ADD1: variants seen among roughly 807,000 people sequenced by gnomAD.
The protein encoded by ADD1 is adducin 1, also known as alpha-adducin.
ADD1 carries 24 observed loss-of-function variants against 80.5 expected under a neutral mutation model. The observed-to-expected ratio is 0.30, with a 90% confidence interval of 0.22 to 0.42. The LOEUF (loss-of-function observed/expected upper bound fraction) is 0.42. ADD1 is among the 10% of genes least tolerant of loss of function. The pLI is 1.00. For missense variants in ADD1, 948 were observed against 1,019.0 expected (o/e 0.93, Z 0.95); for synonymous variants, 373 against 393.8 (o/e 0.95, Z 0.63).
At chr4:2,901,155 A>G (rs1257892857) in intron 9 of ADD1, 1 of 152,474 alleles carries the variant, frequency 6.6e-6, no homozygotes, top group African/African-American at 2.4e-5. Flanking sequence ...TGGGGCAGCC[A>G]TGGCCCAGGT....
At chr4:2,882,828 A>G (rs1057147201) in intron 3 of ADD1, among the ~76,000 whole-genome samples, 9 of 152,114 alleles carry the variant, frequency 5.9e-5, no homozygotes, top group Non-Finnish European at 1.2e-4. Flanking sequence ...CATGGCCACC[A>G]CTAGGAAAGT....
At position 2,926,710 on chromosome 4, in the gene ADD1, C is replaced by A. The variant is rs1245003610; in HGVS notation, c.2047+598C>A. 1 of 1,606,730 alleles carries A rather than the reference C, an allele frequency of 6.2e-7. No individual in the cohort carries two copies. Among genetic ancestry groups the A allele is most frequent in the East Asian group, 2.2e-5 (1 of 44,764 alleles). On this transcript the variant is annotated intron_variant, in intron 15 of 15. Coordinates refer to ENST00000683351, the MANE Select transcript of ADD1 (RefSeq NM_001354761.2). This position sits in a 1 kb window ranked among gnomAD's most constrained non-coding sequence, Gnocchi z 5.0. ...GTGCTGCCTCCGCTCTCCACCGGTG[C>A]CCTGCGCTTTGCCTCATTCTCCTGC...
intron 6 of ADD1, 85 bp from the exon 7 acceptor site, chr4:2,898,099 T>C: frequency 1.4e-6 from 2 of 1,454,718 alleles, no homozygotes; most frequent in Admixed American, 2.2e-5. Flanking sequence ...TCCCATTTTA[T>C]TTCTGTGAGG....
chr4:2,926,175 G>A lies in ADD1; in HGVS notation c.2047+63G>A, dbSNP rs1445525640. On this transcript the variant is annotated intron_variant, in intron 15 of 15. Transcript: ENST00000683351. The surrounding 1 kb of genome is among the most constrained non-coding windows in gnomAD (Gnocchi z 5.0). ...GTGCACGGCTCGTGCGCGCTGTGGC[G>A]GAATGTGGCGGGAGTCGTGTTAACA... is the stretch of plus-strand genomic sequence containing the variant. 16 of 1,421,684 alleles carry A rather than the reference G, an allele frequency of 1.1e-5. No individual in the cohort carries two copies. The highest frequency in any genetic ancestry group is 2.3e-5 in the South Asian group (2 of 86,538). The allele number at this position is 1,421,684 out of a possible 1,614,324, so 88.1% of individuals were successfully genotyped here.
intron 4 of ADD1, among the ~76,000 whole-genome samples, chr4:2,886,731 G>T (rs1477394064): frequency 6.6e-6 from 1 of 152,174 alleles, no homozygotes; most frequent in South Asian, 2.1e-4. Context: ...ACAAGAGCTC[G>T]CTGGGACCTT....
At chr4:2,890,114 A>C (rs1393162594) in intron 4 of ADD1, among the ~76,000 whole-genome samples, 1 of 151,078 alleles carries the variant, frequency 6.6e-6, no homozygotes, top group Admixed American at 6.6e-5. Context: ...GAATCACTTG[A>C]ACTTGGGAGG....
chr4:2,866,165 A>G (rs1479143946), intron 1 of ADD1, among the ~76,000 whole-genome samples: 1 of 152,038 alleles, frequency 6.6e-6, no homozygotes, highest in Non-Finnish European at 1.5e-5. Context: ...AAGATTCTGG[A>G]TGTTATTTTA....
chr4:2,924,438 T>C (rs1324822700), intron 14 of ADD1, among the ~76,000 whole-genome samples: 1 of 152,148 alleles, frequency 6.6e-6, no homozygotes, highest in Admixed American at 6.5e-5. Flanking sequence ...GCCAGGAGGC[T>C]CCCGCCAGCA....
At position 2,884,613 on chromosome 4, in the gene ADD1, T is replaced by C. The variant is rs973176220; in HGVS notation, c.457T>C (p.Tyr153His). 6.2e-7 allele frequency: 1 copy of C among 1,613,040 alleles called. No homozygotes were observed. The highest frequency in any genetic ancestry group is 8.5e-7 in the Non-Finnish European group (1 of 1,179,384). The change falls in exon 4 of 16, where the codon TAT (tyrosine) becomes CAT (histidine). Residue 153 changes from tyrosine (Y) to histidine (H), a missense_variant. Physicochemically the swap from Tyr to His is moderately conservative, Grantham distance 83. Coordinates refer to ENST00000683351, the MANE Select transcript of ADD1 (RefSeq NM_001354761.2). ...ATTACGGTGTAAATTGGCAGCGTTT[T>C]ATAGACTAGCAGATCTCTTTGGGTG... Reference protein sequence around the residue: ...KLLRCKLAAFYRLADLFGWSQ... With the variant: ...KLLRCKLAAFHRLADLFGWSQ...
At chr4:2,881,223 G>A (rs569878717) in intron 2 of ADD1, among the ~76,000 whole-genome samples, 35 of 151,528 alleles carry the variant, frequency 2.3e-4, no homozygotes, top group African/African-American at 8.0e-4. Flanking sequence ...GATTACAGGC[G>A]CCCACCACCA....
rs1216327825 is a variant in ADD1 at position 2,903,426 on chromosome 4, G to A, written c.1162-1338G>A. 3.3e-5 allele frequency among the ~76,000 whole-genome samples: 5 copies of A among 152,166 alleles called. No individual in the cohort carries two copies. The East Asian group carries it at 5.8e-4, about 18-fold the overall frequency. On this transcript the variant is annotated intron_variant, in intron 9 of 15. Coordinates refer to ENST00000683351, the MANE Select transcript of ADD1 (RefSeq NM_001354761.2). ...TGTGGGGCAGGAGTCCAGGCACAGCGAACTCAACCTAGGGTCTCATAAAGG... is the reference window on the plus strand; with the variant it reads ...TGTGGGGCAGGAGTCCAGGCACAGCAAACTCAACCTAGGGTCTCATAAAGG...
At chr4:2,871,172 C>T (rs1029749939) in intron 1 of ADD1, among the ~76,000 whole-genome samples, 3 of 152,044 alleles carry the variant, frequency 2.0e-5, no homozygotes, top group East Asian at 1.9e-4. Context: ...GGGGTTTCAC[C>T]GTGTTAGCCA....
At chr4:2,866,219 T>C (rs921842248) in intron 1 of ADD1, among the ~76,000 whole-genome samples, 1 of 152,172 alleles carries the variant, frequency 6.6e-6, no homozygotes, top group Admixed American at 6.5e-5. Flanking sequence ...CAGGCTGGAG[T>C]GCAGTAGCAC....
At chr4:2,917,450 AT>A (rs1311259831) in intron 14 of ADD1, among the ~76,000 whole-genome samples, 2 of 152,128 alleles carry the variant, frequency 1.3e-5, no homozygotes, top group Non-Finnish European at 2.9e-5. Flanking sequence ...AGATGGATAG[AT>A]TGCAAAAATT....
intron 1 of ADD1, among the ~76,000 whole-genome samples, chr4:2,870,971 C>CTT (rs34690642): frequency 7.9e-5 from 11 of 139,722 alleles, no homozygotes; most frequent in Non-Finnish European, 1.1e-4. Context: ...CATTTTCTTT[C>CTT]TTTTTTTTTT....
intron 4 of ADD1, among the ~76,000 whole-genome samples, chr4:2,890,609 C>T (rs999781546): frequency 2.6e-5 from 4 of 152,046 alleles, no homozygotes; most frequent in Non-Finnish European, 4.4e-5. Context: ...AGGGTTTCAC[C>T]ATTTTAGCCA....
chr4:2,866,291 G>A (rs1729538541), intron 1 of ADD1, among the ~76,000 whole-genome samples: 1 of 151,898 alleles, frequency 6.6e-6, no homozygotes, highest in Admixed American at 6.6e-5. Flanking sequence ...CTCAGCCTCT[G>A]GAATAGCTGG....
At chr4:2,892,903 TTTTA>T (rs1734549998) in intron 4 of ADD1, among the ~76,000 whole-genome samples, 1 of 151,984 alleles carries the variant, frequency 6.6e-6, no homozygotes, top group Non-Finnish European at 1.5e-5. Flanking sequence ...TTAATTATTT[TTTTA>T]TTTTTTATTT....
rs185676698 is a variant in ADD1 at position 2,921,213 on chromosome 4, C to T, written c.1949-4801C>T. 1.2e-4 allele frequency among the ~76,000 whole-genome samples: 19 copies of T among 152,206 alleles called. 1 individual carries two copies. In the East Asian group the frequency reaches 1.4e-3, roughly 11 times the overall value. ...CGTGATCTCGGCTCACTGCAAGCTC[C>T]GCCTCCAGGGTTCACACCATTCTCC... is the stretch of plus-strand genomic sequence containing the variant. On this transcript the variant is annotated intron_variant, in intron 14 of 15. Coordinates refer to ENST00000683351, the MANE Select transcript of ADD1 (RefSeq NM_001354761.2).
Sources: allele counts gnomAD v4.1 joint callset (sites outside exome capture counted in the v4.1 genomes callset), GRCh38; gene constraint gnomAD v4.1.1; non-coding constraint Gnocchi (gnomAD v3.1); transcripts MANE v1.5; gene names NCBI Gene and HGNC (gene_info 2026-07-23, HGNC 2026-07-21).